KIF2C: variants seen among roughly 807,000 people sequenced by gnomAD.
The protein encoded by KIF2C is kinesin-like protein KIF2C.
In KIF2C, 34 loss-of-function variants were observed where a neutral mutation model predicts 97.4. The observed-to-expected ratio is 0.35, with a 90% CI of 0.27 to 0.46. The LOEUF (loss-of-function observed/expected upper bound fraction) is 0.46, where lower values mean the gene tolerates loss of function less well. KIF2C is among the 20% of genes least tolerant of loss of function. KIF2C has a pLI of 1.00. For missense variants in KIF2C, 750 were observed against 907.6 expected, an observed-to-expected ratio of 0.83 and a Z score of 2.23; for synonymous variants, 313 against 318.2, an observed-to-expected ratio of 0.98 and a Z score of 0.17.
At chr1:44,762,103 A>G (rs1285752960) in intron 17 of KIF2C, 120 bp downstream of exon 17, 17 of 982,128 alleles carry the variant, frequency 1.7e-5, no homozygotes, top group Non-Finnish European at 2.4e-5. Flanking sequence ...GTGACTCTGA[A>G]CCTGAGGCTT....
Position 44,747,667 on chromosome 1 carries a change from T to C in KIF2C, c.283T>C (p.Ser95Pro). 6.2e-7 allele frequency: 1 copy of C among 1,613,882 alleles called. No homozygotes were observed. The highest frequency in any genetic ancestry group is 8.5e-7 in the Non-Finnish European group (1 of 1,179,890). Residue 95 changes from serine (S) to proline (P), a missense_variant, in exon 4 of 21, where the codon TCC (serine) becomes CCC (proline). Physicochemically the swap from Ser to Pro is moderately conservative, Grantham distance 74. Transcript: ENST00000372224. The part of the protein sequence containing the change: ...NVTIQKQKRR[S>P]VNSKIPAPKE... Reference sequence around the variant, plus strand: ...TGTTTTTCAGAAACAAAAACGGAGATCCGTCAACTCCAAAATTCCTGCTCC... The same window carrying C: ...TGTTTTTCAGAAACAAAAACGGAGACCCGTCAACTCCAAAATTCCTGCTCC...
At chr1:44,748,271 T>C (rs1649326231) in intron 4 of KIF2C, among the ~76,000 whole-genome samples, 1 of 152,182 alleles carries the variant, frequency 6.6e-6, no homozygotes, top group African/African-American at 2.4e-5. Context: ...CAGTTGTACC[T>C]TGAAGGCTGG....
At chr1:44,766,288 T>C (rs1650459805) in intron 19 of KIF2C, among the ~76,000 whole-genome samples, 2 of 151,970 alleles carry the variant, frequency 1.3e-5, no homozygotes, top group South Asian at 4.1e-4. Context: ...CCAATGATGT[T>C]ATTCATTTGA....
chr1:44,756,230 G>T lies in KIF2C; in HGVS notation c.970G>T (p.Val324Phe). ...TGATGAAACAGCTTCGAATGAAGTTGTCTACAGGTTAGTCCCTTGCATCCA... is the reference window on the plus strand; with the variant it reads ...TGATGAAACAGCTTCGAATGAAGTTTTCTACAGGTTAGTCCCTTGCATCCA... ...AFDETASNEV[V>F]YRFTARPLVQ... is the part of the protein sequence containing the mutation. The change falls in exon 10 of 21, where the codon GTC becomes TTC. Residue 324 changes from valine (V) to phenylalanine (F), a missense_variant. Transcript: ENST00000372224. The T allele has an allele frequency of 6.2e-7, 1 of 1,614,148 alleles. No homozygotes were observed. The highest frequency in any genetic ancestry group is 8.5e-7 in the Non-Finnish European group (1 of 1,180,004).
intron 4 of KIF2C, among the ~76,000 whole-genome samples, chr1:44,748,852 C>G (rs988909578): frequency 1.3e-5 from 2 of 151,484 alleles, no homozygotes; most frequent in African/African-American, 4.9e-5. Flanking sequence ...CAGCCAATAG[C>G]TTTTTTTCTT....
At chr1:44,765,051 C>T (rs562132642) in intron 19 of KIF2C, among the ~76,000 whole-genome samples, 4 of 151,970 alleles carry the variant, frequency 2.6e-5, no homozygotes, top group Non-Finnish European at 4.4e-5. Flanking sequence ...GCCCAGGAGG[C>T]GAAGGTTATA....
intron 7 of KIF2C, 79 bp downstream of exon 7, chr1:44,753,912 G>A (rs926789452): frequency 5.8e-6 from 3 of 514,728 alleles, no homozygotes; most frequent in African/African-American, 4.3e-5. Flanking sequence ...CAGAGATACA[G>A]TTGGGCCCCA....
intron 2 of KIF2C, among the ~76,000 whole-genome samples, chr1:44,743,683 T>G (rs1373079696): frequency 6.6e-6 from 1 of 152,156 alleles, no homozygotes; most frequent in Non-Finnish European, 1.5e-5. Context: ...TCCCAGCTAC[T>G]CCAGAGGCTA....
intron 17 of KIF2C, 154 bp from the exon 18 acceptor site, chr1:44,762,192 C>G (rs1441019356): frequency 3.4e-6 from 3 of 875,112 alleles, no homozygotes; most frequent in Non-Finnish European, 5.8e-6. Context: ...AGGGGCTTTT[C>G]CAGTCCAGCT....
chr1:44,755,872 G>C, intron 8 of KIF2C, 57 bp from the exon 9 acceptor site: 5 of 1,562,282 alleles, frequency 3.2e-6, no homozygotes, highest in Non-Finnish European at 4.4e-6. Flanking sequence ...GGACAAGCTC[G>C]CTTTTGAAAT....
intron 5 of KIF2C, 116 bp downstream of exon 5, chr1:44,750,680 C>T: frequency 8.4e-7 from 1 of 1,195,804 alleles, no homozygotes; most frequent in Non-Finnish European, 1.1e-6. Flanking sequence ...AACTGGTCTG[C>T]TCCTGCCCTA....
intron 2 of KIF2C, among the ~76,000 whole-genome samples, chr1:44,742,098 GT>G (rs1377194944): frequency 6.6e-6 from 1 of 151,012 alleles, no homozygotes; most frequent in Admixed American, 6.6e-5. Context: ...AATTTTCTGG[GT>G]TTTTTTTGTT....
chr1:44,760,432 G>A lies in KIF2C; in HGVS notation c.1520G>A (p.Arg507Gln), dbSNP rs779674363. 23 of 1,614,074 alleles carry A rather than the reference G, an allele frequency of 1.4e-5. No individual in the cohort carries two copies. The highest frequency in any genetic ancestry group is 2.2e-5 in the South Asian group (2 of 91,086). ...ERGADTSSADRQTRMEGAEIN... is the reference protein window; with the variant it reads ...ERGADTSSADQQTRMEGAEIN... Reference sequence around the variant, plus strand: ...GGCGCGGACACTTCCAGTGCTGACCGGCAGACCCGCATGGAGGGCGCAGAA... The same window carrying A: ...GGCGCGGACACTTCCAGTGCTGACCAGCAGACCCGCATGGAGGGCGCAGAA... Residue 507 changes from arginine to glutamine, a missense_variant, in exon 15 of 21, where the codon CGG becomes CAG. Coordinates refer to ENST00000372224, the MANE Select transcript of KIF2C (RefSeq NM_006845.4). This position sits in a 1 kb window ranked among gnomAD's most constrained non-coding sequence, Gnocchi z 4.2.
intron 19 of KIF2C, among the ~76,000 whole-genome samples, chr1:44,765,568 C>T (rs2148836935): frequency 6.6e-6 from 1 of 152,220 alleles, no homozygotes; most frequent in South Asian, 2.1e-4. Context: ...GGCGCGGTGG[C>T]TTATGCCTAT....
At chr1:44,765,531 G>A (rs540463916) in intron 19 of KIF2C, among the ~76,000 whole-genome samples, 12 of 152,074 alleles carry the variant, frequency 7.9e-5, no homozygotes, top group Non-Finnish European at 1.6e-4. Context: ...TGACAAGTAC[G>A]GTGAAAGAAT....
rs531258479 is a variant in KIF2C at position 44,750,972 on chromosome 1, A to G, written c.439+408A>G. Among the ~76,000 whole-genome samples, 10 of 152,272 alleles carry G rather than the reference A, an allele frequency of 6.6e-5. No homozygotes were observed. The South Asian group carries it at 2.1e-3, about 32-fold the overall frequency. On this transcript the variant is annotated intron_variant, in intron 5 of 20. Transcript: ENST00000372224. ...AGACTAGGCAGAAGCCCTCTGAGAT[A>G]GTTGAGGAGTCTAAGGTCTAAGTAC...
chr1:44,755,393 G>T (rs1015615037), intron 8 of KIF2C, among the ~76,000 whole-genome samples: 3 of 152,202 alleles, frequency 2.0e-5, no homozygotes, highest in Non-Finnish European at 4.4e-5. Flanking sequence ...AGCCTCCCCA[G>T]TAGCTGGGAT....
chr1:44,764,513 GTTTGTTTT>G lies in KIF2C; in HGVS notation c.1971+1856_1971+1863del, dbSNP rs1650343990. ...TTGGTTTTTGTTTGTTTGTTTGTTT[GTTTGTTTT>G]GGGGGGGGATGGAGTTTCGCTTTTG... On this transcript the variant is annotated intron_variant, in intron 19 of 20. Coordinates refer to ENST00000372224, the MANE Select transcript of KIF2C (RefSeq NM_006845.4). Among the ~76,000 whole-genome samples the G allele has an allele frequency of 2.7e-5, 4 of 149,856 alleles. No individual in the cohort carries two copies. In the Admixed American group the frequency reaches 2.7e-4, roughly 10 times the overall value.
chr1:44,762,055 G>A, intron 17 of KIF2C, 72 bp downstream of exon 17: 1 of 1,380,080 alleles, frequency 7.2e-7, no homozygotes, highest in South Asian at 1.2e-5. Context: ...GAGAGGGGAG[G>A]AGGCTCTGGG....
Sources: allele counts gnomAD v4.1 joint callset (sites outside exome capture counted in the v4.1 genomes callset), GRCh38; gene constraint gnomAD v4.1.1; non-coding constraint Gnocchi (gnomAD v3.1); transcripts MANE v1.5; gene names NCBI Gene and HGNC (gene_info 2026-07-23, HGNC 2026-07-21).